The following HSPA1L variants were observed in gnomAD, a reference collection of about 807,000 sequenced individuals.
HSPA1L encodes heat shock protein family A (Hsp70) member 1 like.
Under a neutral mutation model 31.5 loss-of-function variants are expected in HSPA1L, and 21 were observed. The ratio of observed to expected loss-of-function variants is 0.67; its 90% CI spans 0.47 to 0.96. The LOEUF (loss-of-function observed/expected upper bound fraction) is 0.96, where lower values mean the gene tolerates loss of function less well. Among genes scored for constraint, HSPA1L ranks in the 40% least tolerant of loss-of-function variants. The probability of loss-of-function intolerance (pLI) is 0.00; values close to 1 mark genes in which losing one functional copy is unlikely to be tolerated. For synonymous variants in HSPA1L, 293 were observed against 323.1 expected (o/e 0.91, Z 1.00); for missense variants, 709 against 813.4 (o/e 0.87, Z 1.56).
Position 31,810,138 on chromosome 6 carries a change from A to C in HSPA1L, c.1835T>G (p.Leu612Arg). 1 of 1,508,266 alleles carries C rather than the reference A, an allele frequency of 6.6e-7. No individual in the cohort carries two copies. Among genetic ancestry groups the C allele is most frequent in the Non-Finnish European group, 8.8e-7 (1 of 1,133,516 alleles). The allele number at this position is 1,508,266 out of a possible 1,614,324, so 93.4% of individuals were successfully genotyped here. The stretch of plus-strand genomic sequence containing the variant: ...AGGCCCAGTGCATCCTCCTTGGTAG[A>C]GTTTTGTGATGATAGGGTTACACAT... The part of the protein sequence containing the change: ...EQMCNPIITK[L>R]YQGGCTGPAC... Residue 612 changes from leucine (L) to arginine (R), a missense_variant, in exon 2 of 2, where the codon CTC becomes CGC. Coordinates refer to ENST00000375654, the MANE Select transcript of HSPA1L (RefSeq NM_005527.4).
intron 1 of HSPA1L, among the ~76,000 whole-genome samples, chr6:31,814,140 G>A (rs1815652363): frequency 6.6e-6 from 1 of 152,182 alleles, no homozygotes; most frequent in Admixed American, 6.5e-5. Context: ...GGGGGGCGGT[G>A]GCTCACGCCT....
In HSPA1L at chr6:31,811,797, T is replaced by C; in HGVS notation, c.176A>G (p.Asn59Ser). The C allele has an allele frequency of 3.1e-6, 5 of 1,614,156 alleles. No individual in the cohort carries two copies. Among genetic ancestry groups the C allele is most frequent in the Non-Finnish European group, 4.2e-6 (5 of 1,180,028 alleles). ...TERLIGDAAK[N>S]QVAMNPQNTV... ...GTTCTGGGGATTCATTGCTACCTGG[T>C]TCTTGGCCGCATCCCCAATGAGCCG... The change falls in exon 2 of 2, where the codon AAC (asparagine) becomes AGC (serine). Residue 59 changes from asparagine (N) to serine (S), a missense_variant. Asn to Ser is a conservative substitution (Grantham distance 46). Transcript: ENST00000375654.
In HSPA1L at chr6:31,815,147, T is replaced by A; in HGVS notation, c.-272A>T. The A allele has an allele frequency of 3.5e-6, 1 of 283,580 alleles. No individual in the cohort carries two copies. The highest frequency in any genetic ancestry group is 5.5e-6 in the Non-Finnish European group (1 of 181,488). 17.6% of individuals were successfully genotyped at this position (283,580 alleles called of 1,614,324 possible). A position where few individuals can be genotyped will look rare whatever the true frequency, so the allele number is the denominator to read the frequency against. On this transcript the variant is annotated 5_prime_UTR_variant, in exon 1 of 2. Coordinates refer to ENST00000375654, the MANE Select transcript of HSPA1L (RefSeq NM_005527.4). ...GCCCCCACCCTCCCCTGGACGCGCG[T>A]AACCCGCTCCCCGCACCAGCCCCCT...
Position 31,809,884 on chromosome 6 carries a change from G to T in HSPA1L, c.*163C>A. 1 of 488,648 alleles carries T rather than the reference G, an allele frequency of 2.0e-6. No homozygotes were observed. The highest frequency in any genetic ancestry group is 3.4e-6 in the Non-Finnish European group (1 of 295,510). The allele number at this position is 488,648 out of a possible 1,614,324, so 30.3% of individuals were successfully genotyped here. The stretch of plus-strand genomic sequence containing the variant: ...GAGTCCATTCCAAAGTCAGAAACAG[G>T]ATGTGAGGGAGTGTGATAGGTGGTG... On this transcript the variant is annotated 3_prime_UTR_variant, in exon 2 of 2. Transcript: ENST00000375654.
At position 31,814,928 on chromosome 6, in the gene HSPA1L, A is replaced by T. The variant is rs1211354639; in HGVS notation, c.-53T>A. 1 of 985,586 alleles carries T rather than the reference A, an allele frequency of 1.0e-6. No homozygotes were observed. Among genetic ancestry groups the T allele is most frequent in the East Asian group, 1.1e-4 (1 of 8,832 alleles). 61.1% of individuals were successfully genotyped at this position (985,586 alleles called of 1,614,324 possible). ...CCTTCGCTTCAGTTTGGAAACGTCC[A>T]GATTACGCAGCCCCAGCGAGTAGGT... On this transcript the variant is annotated 5_prime_UTR_variant, in exon 1 of 2. Transcript: ENST00000375654.
At chr6:31,813,182 C>T (rs1256143509) in intron 1 of HSPA1L, among the ~76,000 whole-genome samples, 1 of 152,168 alleles carries the variant, frequency 6.6e-6, no homozygotes, top group Non-Finnish European at 1.5e-5. Context: ...TGGAATTATA[C>T]AGTATTTATC....
intron 1 of HSPA1L, among the ~76,000 whole-genome samples, chr6:31,814,555 G>C (rs1815724180): frequency 2.0e-5 from 3 of 151,556 alleles, no homozygotes; most frequent in Admixed American, 1.3e-4. Context: ...ATAAAATAAA[G>C]GGTTTAGTGT....
rs149831348 is a variant in HSPA1L at position 31,812,053 on chromosome 6, G to C, written c.-13-68C>G. ...CAATGTTATTTATTTTTTTGAGACA[G>C]GGTCTTCCTCTGTCACCCAGGTTGG... On this transcript the variant is annotated intron_variant, in intron 1 of 1. Coordinates refer to ENST00000375654, the MANE Select transcript of HSPA1L (RefSeq NM_005527.4). The C allele has an allele frequency of 4.6e-3, 6,929 of 1,510,616 alleles. 31 individuals are homozygous for C. The highest frequency in any genetic ancestry group is 0.013 in the East Asian group (552 of 41,200). The allele number at this position is 1,510,616 out of a possible 1,614,324, so 93.6% of individuals were successfully genotyped here. A position where few individuals can be genotyped will look rare whatever the true frequency, so the allele number is the denominator to read the frequency against.
rs1423287941 is a variant in HSPA1L, at chr6:31,815,233, TG to T, written c.-359del. Among the ~76,000 whole-genome samples, 1 of 151,626 alleles carries T rather than the reference TG, an allele frequency of 6.6e-6. No individual in the cohort carries two copies. The highest frequency in any genetic ancestry group is 1.5e-5 in the Non-Finnish European group (1 of 67,954). On this transcript the variant is annotated 5_prime_UTR_variant, in exon 1 of 2. Coordinates refer to ENST00000375654, the MANE Select transcript of HSPA1L (RefSeq NM_005527.4). ...TTAAAAGCCCAGCGCCGACCCTTCC[TG>T]TCAATTAGGCGCTGAAGCGCAGGCG...
chr6:31,814,256 TA>T (rs1263443415), intron 1 of HSPA1L, among the ~76,000 whole-genome samples: 1 of 152,048 alleles, frequency 6.6e-6, no homozygotes, highest in African/African-American at 2.4e-5. Context: ...TCGTCTCTAC[TA>T]AAAAATAGAA....
rs1230290569 is a variant in HSPA1L, at chr6:31,810,205, C to T, written c.1768G>A (p.Glu590Lys). The T allele has an allele frequency of 6.6e-7, 1 of 1,526,594 alleles. No homozygotes were observed. The highest frequency in any genetic ancestry group is 8.8e-7 in the Non-Finnish European group (1 of 1,141,688). 94.6% of individuals were successfully genotyped at this position (1,526,594 alleles called of 1,614,324 possible). A position where few individuals can be genotyped will look rare whatever the true frequency, so the allele number is the denominator to read the frequency against. ...LSWLEVNQLAEKDEFDHKRKE... is the reference protein window; with the variant it reads ...LSWLEVNQLAKKDEFDHKRKE... The stretch of plus-strand genomic sequence containing the variant: ...CTCTTATGATCAAACTCATCTTTCT[C>T]TGCCAGTTGATTGACCTCCAGCCAC... Residue 590 changes from glutamate (E) to lysine (K), a missense_variant, in exon 2 of 2, where the codon GAG becomes AAG. Glu to Lys is a moderately conservative substitution (Grantham distance 56, BLOSUM62 1). Transcript: ENST00000375654.
chr6:31,812,353 T>C (rs1815487777), intron 1 of HSPA1L, among the ~76,000 whole-genome samples: 1 of 151,802 alleles, frequency 6.6e-6, no homozygotes, highest in African/African-American at 2.4e-5. Context: ...TTAGTAGAGA[T>C]GGGGTTTCAC....
rs777167633 is a variant in HSPA1L at position 31,811,719 on chromosome 6, A to T, written c.254T>A (p.Val85Glu). ...AGGCCAAAGTTTCATATCTGCTTGTACAACAGGATCATTAAATTTCCTGCC... is the reference window on the plus strand; with the variant it reads ...AGGCCAAAGTTTCATATCTGCTTGTTCAACAGGATCATTAAATTTCCTGCC... ...LIGRKFNDPV[V>E]QADMKLWPFQ... Residue 85 changes from valine (V) to glutamate (E), a missense_variant, in exon 2 of 2, where the codon GTA (valine) becomes GAA (glutamate). Val to Glu is a moderately radical substitution (Grantham distance 121). Coordinates refer to ENST00000375654, the MANE Select transcript of HSPA1L (RefSeq NM_005527.4). 1.2e-6 allele frequency: 2 copies of T among 1,614,080 alleles called. No individual in the cohort carries two copies. The highest frequency in any genetic ancestry group is 1.7e-6 in the Non-Finnish European group (2 of 1,180,042).
In HSPA1L at chr6:31,811,159, C is replaced by T; in HGVS notation, c.814G>A (p.Ala272Thr). The change falls in exon 2 of 2, where the codon GCC (alanine) becomes ACC (threonine). Residue 272 changes from alanine (A) to threonine (T), a missense_variant. By Grantham distance (58) the Ala-to-Thr change is moderately conservative. Transcript: ENST00000375654. ...VRRLRTACER[A>T]KRTLSSSTQA... ...GTGCTGGACGACAGGGTCCTCTTGG[C>T]CCTCTCGCAGGCGGTGCGCAGCCGC... 1.2e-6 allele frequency: 2 copies of T among 1,614,184 alleles called. No homozygotes were observed. The highest frequency in any genetic ancestry group is 1.1e-5 in the South Asian group (1 of 91,088).
At chr6:31,812,697 A>T (rs1815514523) in intron 1 of HSPA1L, among the ~76,000 whole-genome samples, 1 of 152,168 alleles carries the variant, frequency 6.6e-6, no homozygotes, top group African/African-American at 2.4e-5. Flanking sequence ...AGAGTTTGGT[A>T]GTGAGTTCAA....
intron 1 of HSPA1L, 43 bp downstream of exon 1, chr6:31,814,839 ACCTACTG>A: frequency 1.1e-6 from 1 of 933,966 alleles, no homozygotes; most frequent in Non-Finnish European, 1.3e-6. Flanking sequence ...CCAAACAAGG[ACCTACTG>A]AGCCTTTCAG....
chr6:31,811,622 G>A lies in HSPA1L; in HGVS notation c.351C>T (p.Tyr117=). ...VSYKGENKAF[Y]PEEISSMVLT... is the part of the protein sequence containing the mutation. ...ATACCATCGAAGAGATTTCCTCAGG[G>A]TAGAAAGCTTTATTCTCCCCTTTGT... Residue 117 remains tyrosine (Y), a synonymous_variant, in exon 2 of 2, where the codon TAC becomes TAT. Coordinates refer to ENST00000375654, the MANE Select transcript of HSPA1L (RefSeq NM_005527.4). 6.2e-7 allele frequency: 1 copy of A among 1,614,198 alleles called. No homozygotes were observed.
chr6:31,814,412 G>GT (rs1562346649), intron 1 of HSPA1L, among the ~76,000 whole-genome samples: 1 of 151,624 alleles, frequency 6.6e-6, no homozygotes, highest in African/African-American at 2.4e-5. Flanking sequence ...GGAAGGCTGA[G>GT]GCAGGAGAAT....
chr6:31,811,725 G>A lies in HSPA1L; in HGVS notation c.248C>T (p.Pro83Leu), dbSNP rs1355558679. ...AAGTTTCATATCTGCTTGTACAACA[G>A]GATCATTAAATTTCCTGCCGATCAG... ...KRLIGRKFND[P>L]VVQADMKLWP... Residue 83 changes from proline to leucine, a missense_variant, in exon 2 of 2, where the codon CCT (proline) becomes CTT (leucine). Pro to Leu is a moderately conservative substitution (Grantham distance 98). Coordinates refer to ENST00000375654, the MANE Select transcript of HSPA1L (RefSeq NM_005527.4). 3 of 1,614,148 alleles carry A rather than the reference G, an allele frequency of 1.9e-6. No individual in the cohort carries two copies. Among genetic ancestry groups the A allele is most frequent in the Non-Finnish European group, 2.5e-6 (3 of 1,180,034 alleles).
Sources: gnomAD v4.1 joint callset for allele counts (sites outside exome capture counted in the v4.1 genomes callset) on GRCh38, gnomAD v4.1.1 for gene constraint, MANE v1.5 for transcripts, NCBI Gene and HGNC (gene_info 2026-07-23, HGNC 2026-07-21) for gene names.